Variants in GALNT13 observed in about 807,000 individuals in gnomAD.
The protein encoded by GALNT13 is UDP-GalNAc:polypeptide N-acetylgalactosaminyltransferase 13.
A neutral mutation model predicts 64.2 loss-of-function variants in GALNT13; 28 were observed. The ratio of observed to expected loss-of-function variants is 0.44; its 90% confidence interval spans 0.32 to 0.60. The LOEUF is 0.60. GALNT13 is among the 20% of genes least tolerant of loss of function. The pLI, the probability that GALNT13 is intolerant of heterozygous loss-of-function variation, is 0.05. For synonymous variants in GALNT13, 214 were observed against 224.6 expected (o/e 0.95, Z 0.42); for missense variants, 577 against 669.8 (o/e 0.86, Z 1.53).
the GALNT13 span, among the ~76,000 whole-genome samples, chr2:153,520,568 G>A: frequency 6.6e-6 from 1 of 152,090 alleles, no homozygotes; most frequent in African/African-American, 2.4e-5. Context: ...CAGAAAAGGA[G>A]AACTCATCAG....
At chr2:153,104,679 C>T in the GALNT13 span, among the ~76,000 whole-genome samples, 1 of 152,064 alleles carries the variant, frequency 6.6e-6, no homozygotes, top group Non-Finnish European at 1.5e-5. Context: ...TTTCCATTAT[C>T]TACCATGTTT....
At chr2:153,875,051 T>C (rs1686264107) in intron 1 of GALNT13, among the ~76,000 whole-genome samples, 1 of 152,128 alleles carries the variant, frequency 6.6e-6, no homozygotes, top group Non-Finnish European at 1.5e-5. Flanking sequence ...TTGGGGGCTA[T>C]ATATTGATCT....
At chr2:153,974,265 G>A (rs1693931313) in intron 3 of GALNT13, among the ~76,000 whole-genome samples, 2 of 152,184 alleles carry the variant, frequency 1.3e-5, no homozygotes, top group South Asian at 4.1e-4. Context: ...CATAGTCTTA[G>A]CTTCAAATAC....
intron 2 of GALNT13, among the ~76,000 whole-genome samples, chr2:153,921,026 A>T (rs919887478): frequency 1.3e-5 from 2 of 152,184 alleles, no homozygotes; most frequent in Non-Finnish European, 2.9e-5. Flanking sequence ...ATTGCTGATG[A>T]GCATGTAAAT....
chr2:154,085,446 T>TG (rs958362134), intron 3 of GALNT13, among the ~76,000 whole-genome samples: 1 of 151,972 alleles, frequency 6.6e-6, no homozygotes, highest in African/African-American at 2.4e-5. Context: ...ATGCACAAAT[T>TG]GGGGAAAACA....
the GALNT13 span, among the ~76,000 whole-genome samples, chr2:153,586,426 TA>T: frequency 6.6e-6 from 1 of 152,074 alleles, no homozygotes; most frequent in Non-Finnish European, 1.5e-5. Context: ...GACTTTAAGT[TA>T]AAAACAGTAA....
At chr2:154,455,840 T>G (rs529078245), downstream of GALNT13, among the ~76,000 whole-genome samples, 4 of 152,320 alleles carry the variant, frequency 2.6e-5, no homozygotes, top group South Asian at 8.3e-4. Flanking sequence ...GCTCTTTTCT[T>G]AAGGATCCTT....
At chr2:153,236,669 AT>A in the GALNT13 span, among the ~76,000 whole-genome samples, 2 of 152,094 alleles carry the variant, frequency 1.3e-5, no homozygotes, top group African/African-American at 2.4e-5. Context: ...TAGAAAAAAA[AT>A]ATTCCTTTAA....
chr2:153,884,781 A>ATGTGTGTG (rs1687024201), intron 1 of GALNT13, among the ~76,000 whole-genome samples: 5 of 115,606 alleles, frequency 4.3e-5, no homozygotes, highest in African/African-American at 1.7e-4. Flanking sequence ...ATATATATAT[A>ATGTGTGTG]TATATGTGTG....
At chr2:154,200,042 G>A (rs1009538474) in intron 4 of GALNT13, among the ~76,000 whole-genome samples, 1 of 151,828 alleles carries the variant, frequency 6.6e-6, no homozygotes, top group Non-Finnish European at 1.5e-5. Flanking sequence ...ACTTCCACTA[G>A]TAATTTATTT....
chr2:153,368,040 CATA>C, the GALNT13 span, among the ~76,000 whole-genome samples: 2 of 152,086 alleles, frequency 1.3e-5, no homozygotes, highest in South Asian at 4.1e-4. Flanking sequence ...AAGACCAAAT[CATA>C]ATATGTCTAT....
intron 9 of GALNT13, among the ~76,000 whole-genome samples, chr2:154,308,221 A>C (rs532512898): frequency 6.6e-5 from 10 of 152,262 alleles, no homozygotes; most frequent in African/African-American, 2.4e-4. Flanking sequence ...TTAAACACAA[A>C]CCACACAATT....
At chr2:153,462,884 G>A in the GALNT13 span, among the ~76,000 whole-genome samples, 1 of 152,038 alleles carries the variant, frequency 6.6e-6, no homozygotes, top group Non-Finnish European at 1.5e-5. Flanking sequence ...TCTAATCACT[G>A]GCATATAAAC....
chr2:153,603,264 G>T, the GALNT13 span, among the ~76,000 whole-genome samples: 1 of 151,802 alleles, frequency 6.6e-6, no homozygotes, highest in East Asian at 1.9e-4. Context: ...TGGAGCAAAA[G>T]AAGCCATTTG....
chr2:154,150,279 C>T (rs1683907722), intron 4 of GALNT13, among the ~76,000 whole-genome samples: 1 of 152,028 alleles, frequency 6.6e-6, no homozygotes, highest in Non-Finnish European at 1.5e-5. Context: ...GGATGAAGCC[C>T]ACTTGATCAT....
intron 3 of GALNT13, among the ~76,000 whole-genome samples, chr2:153,945,285 G>C (rs762823221): frequency 2.6e-5 from 4 of 152,096 alleles, no homozygotes; most frequent in African/African-American, 9.7e-5. Flanking sequence ...TATTTATCAA[G>C]TAAAGCCATA....
intron 2 of GALNT13, among the ~76,000 whole-genome samples, chr2:153,901,659 C>A (rs1312782254): frequency 1.3e-5 from 2 of 151,938 alleles, no homozygotes; most frequent in African/African-American, 4.8e-5. Flanking sequence ...GTGTTCTGGC[C>A]AACACTACCC....
chr2:153,475,933 A>G, the GALNT13 span, among the ~76,000 whole-genome samples: 1 of 152,278 alleles, frequency 6.6e-6, no homozygotes, highest in South Asian at 2.1e-4. Flanking sequence ...AACTGTCTAT[A>G]AAATAGAACA....
At chr2:153,937,891 G>A (rs1168799887) in intron 2 of GALNT13, among the ~76,000 whole-genome samples, 1 of 152,198 alleles carries the variant, frequency 6.6e-6, no homozygotes, top group Admixed American at 6.5e-5. Flanking sequence ...ATCACATGAG[G>A]TTTCCACGTA....
Sources: allele counts gnomAD v4.1 joint callset (sites outside exome capture counted in the v4.1 genomes callset), GRCh38; gene constraint gnomAD v4.1.1; transcripts MANE v1.5; gene names NCBI Gene and HGNC (gene_info 2026-07-23, HGNC 2026-07-21).